The following PLXDC2 variants were observed in gnomAD, a reference collection of about 807,000 sequenced individuals.
PLXDC2 encodes plexin domain-containing protein 2.
In PLXDC2, 40 loss-of-function variants were observed where a neutral mutation model predicts 68.9. The observed-to-expected ratio is 0.58, with a 90% confidence interval of 0.45 to 0.76. The LOEUF (loss-of-function observed/expected upper bound fraction) is 0.76. PLXDC2 is among the 30% of genes least tolerant of loss of function. The pLI is 0.00. For synonymous variants in PLXDC2, 243 were observed against 234.2 expected, an observed-to-expected ratio of 1.04 and a Z score of -0.34; for missense variants, 644 against 661.9, an observed-to-expected ratio of 0.97 and a Z score of 0.30.
At chr10:20,240,730 AAG>A (rs1391441331) in intron 12 of PLXDC2, among the ~76,000 whole-genome samples, 1 of 151,634 alleles carries the variant, frequency 6.6e-6, no homozygotes, top group Non-Finnish European at 1.5e-5. Flanking sequence ...AAAAAAAAAA[AAG>A]GTTAAATAAT....
chr10:20,014,890 AT>A (rs397821935), intron 2 of PLXDC2, among the ~76,000 whole-genome samples: 31 of 151,012 alleles, frequency 2.1e-4, no homozygotes, highest in African/African-American at 5.6e-4. Flanking sequence ...CAAAGAGAAC[AT>A]TTTTTTTTTC....
intron 13 of PLXDC2, among the ~76,000 whole-genome samples, chr10:20,257,053 G>T (rs1004451767): frequency 7.2e-5 from 11 of 152,126 alleles, no homozygotes; most frequent in Non-Finnish European, 2.9e-5. Context: ...TAGGTGACTT[G>T]TGCTGGATGG....
intron 1 of PLXDC2, among the ~76,000 whole-genome samples, chr10:19,968,214 T>G (rs1252982915): frequency 6.6e-6 from 1 of 152,216 alleles, no homozygotes; most frequent in East Asian, 1.9e-4. Context: ...GTGAACCCTG[T>G]TCAAATGGAA....
intron 7 of PLXDC2, among the ~76,000 whole-genome samples, chr10:20,169,050 A>G (rs563531556): frequency 6.6e-6 from 1 of 152,306 alleles, no homozygotes; most frequent in African/African-American, 2.4e-5. Flanking sequence ...TAATAGTTAT[A>G]AGAAATTTAT....
chr10:20,239,235 A>G (rs966009020), intron 12 of PLXDC2, among the ~76,000 whole-genome samples: 4 of 152,322 alleles, frequency 2.6e-5, no homozygotes, highest in South Asian at 2.1e-4. Context: ...AGATGTTTGC[A>G]TGAATATAGG....
intron 12 of PLXDC2, among the ~76,000 whole-genome samples, chr10:20,239,577 A>G (rs962185642): frequency 3.3e-5 from 5 of 152,152 alleles, no homozygotes; most frequent in African/African-American, 1.2e-4. Context: ...ACAGCATAAG[A>G]GAAACCACAC....
At chr10:19,977,024 A>G (rs535581898) in intron 1 of PLXDC2, among the ~76,000 whole-genome samples, 2 of 152,272 alleles carry the variant, frequency 1.3e-5, no homozygotes, top group Non-Finnish European at 2.9e-5. Flanking sequence ...TTCTGAGGAT[A>G]TTAATGATAG....
intron 13 of PLXDC2, among the ~76,000 whole-genome samples, chr10:20,267,770 CA>C (rs61457086): frequency 0.26 from 39,044 of 151,592 alleles, 5,280 homozygotes; most frequent in African/African-American, 0.34. Context: ...CAAAACAAAA[CA>C]AAACAAAAAC....
At chr10:19,822,039 A>G (rs1316430567) in intron 1 of PLXDC2, among the ~76,000 whole-genome samples, 1 of 151,974 alleles carries the variant, frequency 6.6e-6, no homozygotes, top group African/African-American at 2.4e-5. Flanking sequence ...CCGTGTCTGA[A>G]TTATTTTACT....
intron 6 of PLXDC2, among the ~76,000 whole-genome samples, chr10:20,150,461 C>T (rs1483749499): frequency 6.6e-6 from 1 of 152,108 alleles, no homozygotes; most frequent in Non-Finnish European, 1.5e-5. Flanking sequence ...AAAGAAATAA[C>T]ATCAGGGCTG....
chr10:20,229,095 A>C (rs1835325854), intron 12 of PLXDC2, among the ~76,000 whole-genome samples: 1 of 152,190 alleles, frequency 6.6e-6, no homozygotes, highest in African/African-American at 2.4e-5. Flanking sequence ...ACAGGTGCTG[A>C]GGAGAAAGAC....
chr10:20,047,725 T>G (rs1835821031), intron 3 of PLXDC2, among the ~76,000 whole-genome samples: 1 of 152,140 alleles, frequency 6.6e-6, no homozygotes, highest in South Asian at 2.1e-4. Context: ...GCATTAGCTT[T>G]TCCAATCTCC....
intron 1 of PLXDC2, among the ~76,000 whole-genome samples, chr10:19,881,825 T>C (rs1830994): frequency 0.068 from 10,426 of 152,286 alleles, 620 homozygotes; most frequent in East Asian, 0.19. Context: ...CAATTTTAAA[T>C]GATTGGGTCA....
chr10:20,088,638 G>C (rs535704028), intron 4 of PLXDC2, among the ~76,000 whole-genome samples: 3 of 152,102 alleles, frequency 2.0e-5, no homozygotes, highest in African/African-American at 7.2e-5. Context: ...AGAGTCTGTT[G>C]GTTAAAGGGC....
chr10:20,230,701 A>AAAAAAAAAAAAAC lies in PLXDC2; in HGVS notation c.1312+11611_1312+11612insCAAAAAAAAAAAA, dbSNP rs1835350979. The stretch of plus-strand genomic sequence containing the variant: ...AGAGTGAGACCTTGTCTCAAAAAAA[A>AAAAAAAAAAAAAC]AAAAAAAAAAAAACAGGAAAACAGT... On this transcript the variant is annotated intron_variant, in intron 12 of 13. Coordinates refer to ENST00000377252, the MANE Select transcript of PLXDC2 (RefSeq NM_032812.9). 1.3e-5 allele frequency among the ~76,000 whole-genome samples: 2 copies of AAAAAAAAAAAAAC among 149,316 alleles called. 1 individual carries two copies. Among genetic ancestry groups the AAAAAAAAAAAAAC allele is most frequent in the Non-Finnish European group, 3.0e-5 (2 of 67,176 alleles).
At chr10:20,052,842 G>C (rs1306190784) in intron 3 of PLXDC2, among the ~76,000 whole-genome samples, 1 of 151,948 alleles carries the variant, frequency 6.6e-6, no homozygotes, top group Admixed American at 6.6e-5. Flanking sequence ...GAGTGAGAAG[G>C]CAAGAATGTT....
intron 6 of PLXDC2, among the ~76,000 whole-genome samples, chr10:20,162,843 C>T (rs1028548677): frequency 6.8e-6 from 1 of 146,362 alleles, no homozygotes; most frequent in Admixed American, 7.1e-5. Context: ...GTGGGTGGAT[C>T]ACTTGAGGCC....
intron 13 of PLXDC2, among the ~76,000 whole-genome samples, chr10:20,267,058 T>C (rs1178650726): frequency 6.6e-6 from 1 of 152,160 alleles, no homozygotes; most frequent in Non-Finnish European, 1.5e-5. Context: ...CAAAAGAACA[T>C]TTGTATGCTT....
chr10:19,994,212 T>C (rs964812789), intron 1 of PLXDC2, among the ~76,000 whole-genome samples: 2 of 150,800 alleles, frequency 1.3e-5, no homozygotes, highest in South Asian at 4.2e-4. Context: ...TAAGATCATC[T>C]TGGATAAAGA....
Sources: allele counts gnomAD v4.1 joint callset (sites outside exome capture counted in the v4.1 genomes callset), GRCh38; gene constraint gnomAD v4.1.1; transcripts MANE v1.5; gene names NCBI Gene and HGNC (gene_info 2026-07-23, HGNC 2026-07-21).